Variants in SLC6A11 observed in about 807,000 individuals in gnomAD.
SLC6A11 encodes the protein solute carrier family 6 member 11.
Under a neutral mutation model 74.8 loss-of-function variants are expected in SLC6A11, and 25 were observed. The ratio of observed to expected loss-of-function variants is 0.33; its 90% CI spans 0.24 to 0.47. The LOEUF is 0.47. Ranked by LOEUF, SLC6A11 falls within the 20% of genes least tolerant of loss-of-function variation. SLC6A11 has a pLI of 1.00. For synonymous variants in SLC6A11, 330 were observed against 330.2 expected (o/e 1.00, Z 0.01); for missense variants, 574 against 837.0 (o/e 0.69, Z 3.88).
At chr3:10,873,970 A>ACGC (rs1171346310) in intron 5 of SLC6A11, among the ~76,000 whole-genome samples, 173 of 139,360 alleles carry the variant, frequency 1.2e-3, no homozygotes, top group Middle Eastern at 6.9e-3. Flanking sequence ...ACGCTATGCT[A>ACGC]TGCTACGCTA....
At chr3:10,846,726 C>T (rs902220750) in intron 5 of SLC6A11, among the ~76,000 whole-genome samples, 5 of 152,128 alleles carry the variant, frequency 3.3e-5, no homozygotes, top group African/African-American at 4.8e-5. Flanking sequence ...CACTGCCTTC[C>T]ACTCCCCGGC....
intron 9 of SLC6A11, among the ~76,000 whole-genome samples, chr3:10,928,590 C>A (rs114991117): frequency 1.4e-4 from 21 of 152,300 alleles, no homozygotes; most frequent in African/African-American, 4.8e-4. Context: ...CAGACTCAGC[C>A]ACTGATGCCT....
At chr3:10,885,183 ATT>A (rs1445040733) in intron 6 of SLC6A11, among the ~76,000 whole-genome samples, 2 of 152,182 alleles carry the variant, frequency 1.3e-5, no homozygotes, top group Admixed American at 1.3e-4. Flanking sequence ...ATTTGAATGC[ATT>A]TATATTATAT....
intron 12 of SLC6A11, among the ~76,000 whole-genome samples, chr3:10,934,823 A>C (rs2124823263): frequency 6.6e-6 from 1 of 152,340 alleles, no homozygotes; most frequent in South Asian, 2.1e-4. Context: ...TTCCCTGAGC[A>C]TCTGTTGCCT....
In SLC6A11 at chr3:10,834,657, G is replaced by A. The variant is rs151161411; in HGVS notation, c.624-9557G>A. Among the ~76,000 whole-genome samples the A allele has an allele frequency of 2.7e-4, 41 of 152,242 alleles. No individual in the cohort carries two copies. In the East Asian group the frequency reaches 6.0e-3, roughly 22 times the overall value. On this transcript the variant is annotated intron_variant, in intron 4 of 13. Transcript: ENST00000254488. ...CACACATCCCTTGCTTGTGCTTTGC[G>A]CTCTTCTCACTAAGGGGCAGATGGA...
At chr3:10,838,434 CAGA>C (rs761943048) in intron 4 of SLC6A11, among the ~76,000 whole-genome samples, 1 of 152,198 alleles carries the variant, frequency 6.6e-6, no homozygotes, top group Non-Finnish European at 1.5e-5. Flanking sequence ...GTGTCAGCAT[CAGA>C]AGAACTTGGT....
At chr3:10,859,269 A>G (rs947021780) in intron 5 of SLC6A11, among the ~76,000 whole-genome samples, 1 of 152,148 alleles carries the variant, frequency 6.6e-6, no homozygotes, top group Admixed American at 6.5e-5. Flanking sequence ...CTGTGACCCA[A>G]TGTAGAGGGT....
chr3:10,860,367 A>C (rs1350739165), intron 5 of SLC6A11, among the ~76,000 whole-genome samples: 1 of 152,244 alleles, frequency 6.6e-6, no homozygotes, highest in Non-Finnish European at 1.5e-5. Flanking sequence ...AGAGATAATA[A>C]GGTGAACCAT....
intron 11 of SLC6A11, 71 bp downstream of exon 11, chr3:10,933,324 T>A: frequency 1.0e-6 from 1 of 996,318 alleles, no homozygotes; most frequent in Non-Finnish European, 1.6e-6. Flanking sequence ...GCTTGGACTC[T>A]GGTTGGCTCT....
chr3:10,872,521 C>T (rs900861992), intron 5 of SLC6A11, among the ~76,000 whole-genome samples: 2 of 152,222 alleles, frequency 1.3e-5, no homozygotes, highest in African/African-American at 4.8e-5. Context: ...CTCTTCCATT[C>T]TTTTTGCTCC....
intron 6 of SLC6A11, among the ~76,000 whole-genome samples, chr3:10,880,987 G>A (rs1694968920): frequency 6.6e-6 from 1 of 152,210 alleles, no homozygotes; most frequent in Non-Finnish European, 1.5e-5. Flanking sequence ...AGAAGGAAGT[G>A]TGGTTGGATG....
At chr3:10,938,196 C>T (rs574120290) in intron 13 of SLC6A11, 54 bp from the exon 14 acceptor site, 1 of 1,525,288 alleles carries the variant, frequency 6.6e-7, no homozygotes, top group African/African-American at 1.4e-5. Context: ...CACGGCAGAC[C>T]CTGGACCCTG....
At chr3:10,925,031 G>T (rs1400671291) in intron 8 of SLC6A11, among the ~76,000 whole-genome samples, 10 of 152,200 alleles carry the variant, frequency 6.6e-5, no homozygotes, top group African/African-American at 1.9e-4. Flanking sequence ...TTGAATTGAT[G>T]GTTGCCCAAC....
chr3:10,862,520 G>A (rs1024903858), intron 5 of SLC6A11, among the ~76,000 whole-genome samples: 5 of 152,184 alleles, frequency 3.3e-5, no homozygotes, highest in Admixed American at 2.6e-4. Context: ...GAGCATGGTT[G>A]CTATTTAAGT....
chr3:10,823,465 CT>C (rs1480588160), intron 4 of SLC6A11, 73 bp downstream of exon 4: 2 of 1,019,712 alleles, frequency 2.0e-6, no homozygotes, highest in East Asian at 2.4e-5. Context: ...GGTCTTGCCC[CT>C]ATTCCTGGAA....
intron 4 of SLC6A11, among the ~76,000 whole-genome samples, chr3:10,836,392 T>C (rs1694367451): frequency 6.6e-6 from 1 of 152,258 alleles, no homozygotes; most frequent in Admixed American, 6.5e-5. Flanking sequence ...GAGAAATTGC[T>C]GGGTTTTGTG....
Position 10,855,729 on chromosome 3 carries a change from A to G in SLC6A11, c.756+11383A>G, listed in dbSNP as rs560239671. Among the ~76,000 whole-genome samples the G allele has an allele frequency of 2.0e-5, 3 of 152,362 alleles. No individual in the cohort carries two copies. The South Asian group carries it at 6.2e-4, about 32-fold the overall frequency. ...TACAAAATCTCCCTGTGGTAAAGAT[A>G]AACGTGACCCTGGGGAGCCAGTGGC... On this transcript the variant is annotated intron_variant, in intron 5 of 13. Transcript: ENST00000254488.
chr3:10,879,854 A>G (rs899611549), intron 6 of SLC6A11, among the ~76,000 whole-genome samples: 2 of 152,178 alleles, frequency 1.3e-5, no homozygotes, highest in Non-Finnish European at 2.9e-5. Flanking sequence ...CTCTCAAAGG[A>G]AATGCTTCAA....
In SLC6A11 at chr3:10,933,231, C is replaced by T; in HGVS notation, c.1452C>T (p.Cys484=). 6.2e-7 allele frequency: 1 copy of T among 1,613,754 alleles called. No homozygotes were observed. Reference sequence around the variant, plus strand: ...TTCTCTTCGTGGCCATCTTTGAGTGCATCTGCATCGGCTGGGTGTATGGTG... The same window carrying T: ...TTCTCTTCGTGGCCATCTTTGAGTGTATCTGCATCGGCTGGGTGTATGGTG... ...MCLLFVAIFE[C]ICIGWVYGSN... is the part of the protein sequence containing the mutation. The change falls in exon 11 of 14, where the codon TGC becomes TGT. Residue 484 remains cysteine (C), a synonymous_variant. Transcript: ENST00000254488.
Sources: gnomAD v4.1 joint callset for allele counts (sites outside exome capture counted in the v4.1 genomes callset) on GRCh38, gnomAD v4.1.1 for gene constraint, MANE v1.5 for transcripts, NCBI Gene and HGNC (gene_info 2026-07-23, HGNC 2026-07-21) for gene names.